The following RPS6KA4 variants were observed in gnomAD, a reference collection of about 807,000 sequenced individuals.
RPS6KA4 encodes the protein ribosomal protein S6 kinase A4.
RPS6KA4 carries 38 observed loss-of-function variants against 89.6 expected under a neutral mutation model. The ratio of observed to expected loss-of-function variants is 0.42; its 90% CI spans 0.33 to 0.56. The LOEUF (loss-of-function observed/expected upper bound fraction) is 0.56. Ranked by LOEUF, RPS6KA4 falls within the 20% of genes least tolerant of loss-of-function variation. RPS6KA4 has a pLI of 0.07. For synonymous variants in RPS6KA4, 495 were observed against 492.8 expected (o/e 1.00, Z -0.06); for missense variants, 873 against 1,098.8 (o/e 0.79, Z 2.90).
intron 4 of RPS6KA4, 45 bp downstream of exon 4, chr11:64,360,637 C>G: frequency 1.3e-6 from 2 of 1,504,832 alleles, no homozygotes; most frequent in Non-Finnish European, 1.8e-6. Context: ...GAAACTGGGT[C>G]TGTGCCTTGG....
Position 64,370,615 on chromosome 11 carries a change from C to A in RPS6KA4, c.2010C>A (p.Gly670=). ...GGCTGAAGCTCGAGGGACTGCGGGG[C>A]AGCTCGTGGCTGCAGGACGGCAGCG... ...AKRLKLEGLR[G]SSWLQDGSAR... Residue 670 remains glycine, a synonymous_variant, in exon 16 of 17, where the codon GGC becomes GGA. Coordinates refer to ENST00000334205, the MANE Select transcript of RPS6KA4 (RefSeq NM_003942.3). The surrounding 1 kb of genome is among the most constrained non-coding windows in gnomAD (Gnocchi z 4.1). 6.3e-7 allele frequency: 1 copy of A among 1,583,978 alleles called. No homozygotes were observed. Among genetic ancestry groups the A allele is most frequent in the South Asian group, 1.1e-5 (1 of 88,922 alleles).
At position 64,371,673 on chromosome 11, in the gene RPS6KA4, G is replaced by T; in HGVS notation, c.*193G>T. The T allele has an allele frequency of 4.0e-6, 2 of 502,440 alleles. No homozygotes were observed. Among genetic ancestry groups the T allele is most frequent in the South Asian group, 5.8e-5 (2 of 34,638 alleles). 31.1% of individuals were successfully genotyped at this position (502,440 alleles called of 1,614,324 possible). A position where few individuals can be genotyped will look rare whatever the true frequency, so the allele number is the denominator to read the frequency against. ...TTTTTATGTCTTACCAGATAGAGTT[G>T]CAGGGAAGGGGGGGCCTGCTGGGGA... On this transcript the variant is annotated 3_prime_UTR_variant, in exon 17 of 17. Transcript: ENST00000334205.
intron 14 of RPS6KA4, 98 bp downstream of exon 14, chr11:64,369,991 T>TG: frequency 2.3e-6 from 3 of 1,288,984 alleles, no homozygotes; most frequent in Non-Finnish European, 2.1e-6. Flanking sequence ...GTCATCTTGG[T>TG]GGGGGCGGCT....
intron 8 of RPS6KA4, among the ~76,000 whole-genome samples, chr11:64,362,295 C>A (rs513264): frequency 0.97 from 147,999 of 152,354 alleles, 72,022 homozygotes; most frequent in Middle Eastern, 1. Context: ...GACCTGCCCC[C>A]GACGGCACAG....
At chr11:64,367,314 TA>T (rs1393583643) in intron 9 of RPS6KA4, among the ~76,000 whole-genome samples, 2 of 15,038 alleles carry the variant, frequency 1.3e-4, no homozygotes, top group East Asian at 0.053. Context: ...CCCAGATAAT[TA>T]ATTTTTTTTT....
intron 12 of RPS6KA4, 102 bp from the exon 13 acceptor site, chr11:64,369,344 G>C: frequency 7.7e-7 from 1 of 1,293,514 alleles, no homozygotes; most frequent in South Asian, 1.5e-5. Flanking sequence ...GGGGGTTCTC[G>C]AACATTGGCA....
Position 64,369,374 on chromosome 11 carries a change from G to A in RPS6KA4, c.1429-72G>A, listed in dbSNP as rs574719793. ...TTGGCAGGGCCCGAAGGCCGGGGGCGGGGCCTGGGTGGTGGGAGGGGGCTT... is the reference window on the plus strand; with the variant it reads ...TTGGCAGGGCCCGAAGGCCGGGGGCAGGGCCTGGGTGGTGGGAGGGGGCTT... On this transcript the variant is annotated intron_variant, in intron 12 of 16. Coordinates refer to ENST00000334205, the MANE Select transcript of RPS6KA4 (RefSeq NM_003942.3). 2.2e-4 allele frequency: 323 copies of A among 1,456,888 alleles called. 1 individual carries two copies. In the South Asian group the frequency reaches 4.2e-3, roughly 19 times the overall value. 90.2% of individuals were successfully genotyped at this position (1,456,888 alleles called of 1,614,324 possible).
Position 64,369,581 on chromosome 11 carries a change from G to A in RPS6KA4, c.1564G>A (p.Glu522Lys), listed in dbSNP as rs775819303. Reference protein sequence around the residue: ...SLVSAVSFMHEEAGVVHRDLK... With the variant: ...SLVSAVSFMHKEAGVVHRDLK... The stretch of plus-strand genomic sequence containing the variant: ...CGTGTCGGCCGTGAGCTTCATGCAC[G>A]AGGAGGCGGGCGTGGTGCACCGCGA... The change falls in exon 13 of 17, where the codon GAG becomes AAG. Residue 522 changes from glutamate (E) to lysine (K), a missense_variant. Glu to Lys is a moderately conservative substitution (Grantham distance 56). Coordinates refer to ENST00000334205, the MANE Select transcript of RPS6KA4 (RefSeq NM_003942.3). 4 of 1,605,846 alleles carry A rather than the reference G, an allele frequency of 2.5e-6. No individual in the cohort carries two copies. Among genetic ancestry groups the A allele is most frequent in the East Asian group, 2.2e-5 (1 of 44,604 alleles).
chr11:64,360,876 T>C, intron 4 of RPS6KA4: 1 of 570,508 alleles, frequency 1.8e-6, no homozygotes, highest in East Asian at 2.9e-5. Flanking sequence ...ACGGCCTGGC[T>C]CCTAAGGCCT....
rs1007356316 is a variant in RPS6KA4 at position 64,368,901 on chromosome 11, T to C, written c.1428+104T>C. 7.6e-5 allele frequency: 84 copies of C among 1,105,528 alleles called. No homozygotes were observed. In the Middle Eastern group the frequency reaches 2.8e-3, roughly 36 times the overall value. 68.5% of individuals were successfully genotyped at this position (1,105,528 alleles called of 1,614,324 possible). Reference sequence around the variant, plus strand: ...GGGGTGAATTGGGCGGGGCCTAGCGTTTGATTCGGGGCCCAAAGGGACCAG... The same window carrying C: ...GGGGTGAATTGGGCGGGGCCTAGCGCTTGATTCGGGGCCCAAAGGGACCAG... On this transcript the variant is annotated intron_variant, in intron 12 of 16. Coordinates refer to ENST00000334205, the MANE Select transcript of RPS6KA4 (RefSeq NM_003942.3).
chr11:64,369,602 C>G lies in RPS6KA4; in HGVS notation c.1585C>G (p.Arg529Gly). The part of the protein sequence containing the change: ...FMHEEAGVVH[R>G]DLKPENILYA... ...GCACGAGGAGGCGGGCGTGGTGCACCGCGACCTCAAGCCGGAGGTGGGCGA... is the reference window on the plus strand; with the variant it reads ...GCACGAGGAGGCGGGCGTGGTGCACGGCGACCTCAAGCCGGAGGTGGGCGA... The change falls in exon 13 of 17, where the codon CGC becomes GGC. Residue 529 changes from arginine (R) to glycine (G), a missense_variant. By Grantham distance (125) the Arg-to-Gly change is moderately radical (BLOSUM62 -2). This residue lies in a region of RPS6KA4 where 542 missense variants were observed against 736.4 expected (regional missense o/e 0.74). Transcript: ENST00000334205. 1 of 1,603,984 alleles carries G rather than the reference C, an allele frequency of 6.2e-7. No homozygotes were observed. Among genetic ancestry groups the G allele is most frequent in the Non-Finnish European group, 8.5e-7 (1 of 1,175,740 alleles).
At chr11:64,362,738 T>C (rs532707007) in intron 8 of RPS6KA4, among the ~76,000 whole-genome samples, 34 of 152,348 alleles carry the variant, frequency 2.2e-4, no homozygotes, top group African/African-American at 8.2e-4. Context: ...TGGCACGATC[T>C]CGGCTCAGTG....
Position 64,361,222 on chromosome 11 carries a change from A to C in RPS6KA4, c.551A>C (p.Lys184Thr), listed in dbSNP as rs761908390. 1 of 1,613,356 alleles carries C rather than the reference A, an allele frequency of 6.2e-7. No homozygotes were observed. Among genetic ancestry groups the C allele is most frequent in the South Asian group, 1.1e-5 (1 of 91,078 alleles). ...HIVLTDFGLS[K>T]EFLTEEKERT... ...GTCCTCACGGACTTCGGGCTGAGCA[A>C]GGAGTTCCTGACGGAGGAGGTGAGT... The change falls in exon 5 of 17, where the codon AAG becomes ACG. Residue 184 changes from lysine (K) to threonine (T), a missense_variant. By Grantham distance (78) the Lys-to-Thr change is moderately conservative. This residue lies in a region of RPS6KA4 where 542 missense variants were observed against 736.4 expected (regional missense o/e 0.74). Coordinates refer to ENST00000334205, the MANE Select transcript of RPS6KA4 (RefSeq NM_003942.3). This position sits in a 1 kb window ranked among gnomAD's most constrained non-coding sequence, Gnocchi z 4.7.
chr11:64,369,644 G>A, intron 13 of RPS6KA4, 25 bp downstream of exon 13: 5 of 1,601,352 alleles, frequency 3.1e-6, no homozygotes, highest in African/African-American at 1.3e-5. Flanking sequence ...TCGGCGGCGG[G>A]GCGGAGCGGT....
At position 64,370,313 on chromosome 11, in the gene RPS6KA4, G is replaced by T. The variant is rs779751342; in HGVS notation, c.1886G>T (p.Arg629Leu). ...GCGGCCGAGATCATGTGCAAAATCC[G>T]CGAGGGGCGCTTCTCCCTTGACGGG... The part of the protein sequence containing the change: ...SQAAEIMCKI[R>L]EGRFSLDGEA... The change falls in exon 15 of 17, where the codon CGC (arginine) becomes CTC (leucine). Residue 629 changes from arginine (R) to leucine (L), a missense_variant. Around this residue, in one of 4 missense-constraint regions of RPS6KA4, gnomAD observed 278 missense variants for 284.8 expected, o/e 0.98. Coordinates refer to ENST00000334205, the MANE Select transcript of RPS6KA4 (RefSeq NM_003942.3). The surrounding 1 kb of genome is among the most constrained non-coding windows in gnomAD (Gnocchi z 4.1). 33 of 1,594,592 alleles carry T rather than the reference G, an allele frequency of 2.1e-5. No homozygotes were observed. In the East Asian group the frequency reaches 6.0e-4, roughly 29 times the overall value.
Position 64,368,618 on chromosome 11 carries a change from G to T in RPS6KA4, c.1334+17G>T. The T allele has an allele frequency of 6.3e-7, 1 of 1,590,320 alleles. No homozygotes were observed. On this transcript the variant is annotated intron_variant, in intron 11 of 16. Coordinates refer to ENST00000334205, the MANE Select transcript of RPS6KA4 (RefSeq NM_003942.3). ...CAGTCGCAGGTGGGAGGGCCCAGGC[G>T]CGGGCAGGGGTGGGGGTGGCAGAGC... is the stretch of plus-strand genomic sequence containing the variant.
At chr11:64,365,731 A>G (rs1269130956) in intron 9 of RPS6KA4, among the ~76,000 whole-genome samples, 1 of 152,178 alleles carries the variant, frequency 6.6e-6, no homozygotes, top group Non-Finnish European at 1.5e-5. Flanking sequence ...GTTATGTAAA[A>G]ATATTGTTTG....
rs2036991875 is a variant in RPS6KA4, at chr11:64,369,447, T to A, written c.1430T>A (p.Leu477Gln). ...VNLHEVHHDQ[L>Q]HTYLVLELLR... ...CTTGGCCCGCCACGCCGCCCGCAGC[T>A]GCACACGTACCTGGTCCTGGAGCTG... Residue 477 changes from leucine (L) to glutamine (Q), a missense_variant and splice_region_variant, in exon 13 of 17, where the codon CTG becomes CAG. Physicochemically the swap from Leu to Gln is moderately radical, Grantham distance 113. Transcript: ENST00000334205. 1.2e-6 allele frequency: 2 copies of A among 1,600,730 alleles called. No individual in the cohort carries two copies. Among genetic ancestry groups the A allele is most frequent in the East Asian group, 2.2e-5 (1 of 44,572 alleles).
chr11:64,370,693 C>T lies in RPS6KA4; in HGVS notation c.2088C>T (p.Pro696=), dbSNP rs1007627808. ...RTPDVLESSG[P]AVRSGLNATF... is the part of the protein sequence containing the mutation. ...CCGACGTGCTCGAGTCCTCTGGGCC[C>T]GCAGTGCGCTCGGGTCTCAACGCCA... is the stretch of plus-strand genomic sequence containing the variant. Residue 696 remains proline, a synonymous_variant, in exon 16 of 17, where the codon CCC becomes CCT. Coordinates refer to ENST00000334205, the MANE Select transcript of RPS6KA4 (RefSeq NM_003942.3). This position sits in a 1 kb window ranked among gnomAD's most constrained non-coding sequence, Gnocchi z 4.1. 1 of 1,569,868 alleles carries T rather than the reference C, an allele frequency of 6.4e-7. No individual in the cohort carries two copies. The highest frequency in any genetic ancestry group is 8.6e-7 in the Non-Finnish European group (1 of 1,163,322).
Sources: gnomAD v4.1 joint callset for allele counts (sites outside exome capture counted in the v4.1 genomes callset) on GRCh38, gnomAD v4.1.1 for gene constraint, gnomAD v4.1.1 regional missense constraint, Gnocchi (gnomAD v3.1) non-coding constraint, MANE v1.5 for transcripts, NCBI Gene and HGNC (gene_info 2026-07-23, HGNC 2026-07-21) for gene names.